The following CSGALNACT1 variants were observed in gnomAD, a reference collection of about 807,000 sequenced individuals.
The protein encoded by CSGALNACT1 is beta4GalNAcT-1.
Under a neutral mutation model 51.0 loss-of-function variants are expected in CSGALNACT1, and 52 were observed. The observed-to-expected ratio is 1.02, with a 90% CI of 0.82 to 1.29. CSGALNACT1 has a LOEUF of 1.29. Among genes scored for constraint, CSGALNACT1 ranks in the 50% most tolerant of loss-of-function variants. CSGALNACT1 has a pLI of 0.00. For missense variants in CSGALNACT1, 935 were observed against 679.2 expected, an observed-to-expected ratio of 1.38 and a Z score of -4.19; for synonymous variants, 341 against 254.4, an observed-to-expected ratio of 1.34 and a Z score of -3.24.
chr8:19,591,759 C>CAA (rs111962164), intron 2 of CSGALNACT1, among the ~76,000 whole-genome samples: 8 of 144,272 alleles, frequency 5.5e-5, no homozygotes, highest in African/African-American at 2.0e-4. Flanking sequence ...TTCCTCTCCA[C>CAA]AAAAAAAAAT....
intron 8 of CSGALNACT1, among the ~76,000 whole-genome samples, chr8:19,409,112 C>G (rs2055047924): frequency 6.6e-6 from 1 of 152,186 alleles, no homozygotes; most frequent in African/African-American, 2.4e-5. Flanking sequence ...AGCGAGCCAG[C>G]AAAGGGCTCA....
chr8:19,508,463 C>A (rs1230216900), intron 3 of CSGALNACT1, among the ~76,000 whole-genome samples: 2 of 152,194 alleles, frequency 1.3e-5, no homozygotes, highest in Non-Finnish European at 2.9e-5. Flanking sequence ...ATGTTTAGCC[C>A]TGGAAGCCTT....
At chr8:19,546,355 T>C (rs1184422027) in intron 3 of CSGALNACT1, among the ~76,000 whole-genome samples, 1 of 152,160 alleles carries the variant, frequency 6.6e-6, no homozygotes, top group Non-Finnish European at 1.5e-5. Flanking sequence ...GGCAACACAA[T>C]ACCCATCTGT....
Position 19,418,745 on chromosome 8 carries a change from TCTTC to T in CSGALNACT1, c.1134_1137del (p.Lys379ArgfsTer15). On this transcript the variant is annotated frameshift_variant and splice_region_variant, in exon 8 of 10. Coordinates refer to ENST00000454498, the Ensembl canonical transcript of CSGALNACT1. LOFTEE classifies it high-confidence loss of function. ...CTGAAAAGAACTGGATAAAATACCT[TCTTC>T]CCTACAAACCAGAAAACAAACATTC... 1 of 1,605,530 alleles carries T rather than the reference TCTTC, an allele frequency of 6.2e-7. No individual in the cohort carries two copies. The highest frequency in any genetic ancestry group is 8.5e-7 in the Non-Finnish European group (1 of 1,172,212).
chr8:19,658,009 A>G (rs2058432836), intron 1 of CSGALNACT1, among the ~76,000 whole-genome samples: 1 of 146,738 alleles, frequency 6.8e-6, no homozygotes, highest in Non-Finnish European at 1.5e-5. Context: ...CAGAATAGTG[A>G]TAGAATAATT....
At position 19,705,743 on chromosome 8, in the gene CSGALNACT1, A is replaced by C. The variant is rs189874053; in HGVS notation, c.-297+52107T>G. On this transcript the variant is annotated intron_variant, in intron 1 of 1. Coordinates refer to the CSGALNACT1 transcript ENST00000517494. ...CAGAGCGAGACCCAGTCTCAAAAAA[A>C]AATCCAGAGAAAAAAATGTAAGGCT... Among the ~76,000 whole-genome samples, 174 of 152,298 alleles carry C rather than the reference A, an allele frequency of 1.1e-3. 1 individual carries two copies. Among genetic ancestry groups the C allele is most frequent in the African/African-American group, 3.8e-3 (159 of 41,566 alleles).
chr8:19,752,453 G>T (rs972150890), intron 1 of CSGALNACT1, among the ~76,000 whole-genome samples: 28 of 152,070 alleles, frequency 1.8e-4, no homozygotes, highest in African/African-American at 6.5e-4. Context: ...TGACTGATGC[G>T]TTAACTTTAG....
chr8:19,715,920 C>G (rs2062779494), intron 1 of CSGALNACT1, among the ~76,000 whole-genome samples: 1 of 152,196 alleles, frequency 6.6e-6, no homozygotes. Flanking sequence ...CTGCTGCACT[C>G]TCAGACTTCA....
chr8:19,405,833 T>A (rs2054033504), exon 10 of CSGALNACT1: 1 of 1,614,220 alleles, frequency 6.2e-7, no homozygotes, highest in Non-Finnish European at 8.5e-7. Flanking sequence ...TGAGCCTCTA[T>A]CTCGTGCCTG....
intron 3 of CSGALNACT1, among the ~76,000 whole-genome samples, chr8:19,524,105 G>A (rs112182920): frequency 6.6e-6 from 1 of 152,234 alleles, no homozygotes; most frequent in South Asian, 2.1e-4. Flanking sequence ...ACAAGCCTGG[G>A]CAACACAGCA....
At chr8:19,466,885 C>T (rs771540553) in intron 4 of CSGALNACT1, among the ~76,000 whole-genome samples, 23 of 152,218 alleles carry the variant, frequency 1.5e-4, no homozygotes, top group Admixed American at 3.3e-4. Context: ...TCAGCTGCCA[C>T]TGAAAGTTTC....
intron 6 of CSGALNACT1, among the ~76,000 whole-genome samples, chr8:19,429,224 T>A (rs1177070326): frequency 1.3e-5 from 2 of 152,234 alleles, no homozygotes; most frequent in East Asian, 3.8e-4. Flanking sequence ...TCACCCAGGC[T>A]GGAGTACAGT....
At chr8:19,643,776 G>C (rs1303354705) in intron 1 of CSGALNACT1, among the ~76,000 whole-genome samples, 1 of 152,158 alleles carries the variant, frequency 6.6e-6, no homozygotes. Flanking sequence ...AATTAACCAG[G>C]ATAGCACACA....
chr8:19,493,962 C>T (rs1039149034), intron 4 of CSGALNACT1, among the ~76,000 whole-genome samples: 1 of 151,870 alleles, frequency 6.6e-6, no homozygotes, highest in African/African-American at 2.4e-5. Flanking sequence ...TTTTGAGAAA[C>T]TGCCAAACTA....
chr8:19,579,881 C>T (rs1564131528), intron 3 of CSGALNACT1, among the ~76,000 whole-genome samples: 1 of 152,080 alleles, frequency 6.6e-6, no homozygotes, highest in Non-Finnish European at 1.5e-5. Context: ...CTAAGTCTCC[C>T]GCTGAGAACA....
At chr8:19,550,687 G>A (rs1025761426) in intron 3 of CSGALNACT1, among the ~76,000 whole-genome samples, 111 of 152,056 alleles carry the variant, frequency 7.3e-4, no homozygotes, top group Admixed American at 7.3e-3. Flanking sequence ...ACTGGGTGAG[G>A]ACATAGCCAT....
At chr8:19,732,147 G>A (rs2063726658) in intron 1 of CSGALNACT1, among the ~76,000 whole-genome samples, 1 of 152,222 alleles carries the variant, frequency 6.6e-6, no homozygotes, top group South Asian at 2.1e-4. Context: ...CTTTTTTCTA[G>A]AAATTAGTGT....
upstream of CSGALNACT1, among the ~76,000 whole-genome samples, chr8:19,605,775 C>T (rs2051290179): frequency 1.3e-5 from 2 of 152,314 alleles, no homozygotes; most frequent in Middle Eastern, 3.4e-3. Flanking sequence ...CATCAATTAG[C>T]AGTCCTCTAT....
At chr8:19,640,552 C>G (rs1398794744) in intron 1 of CSGALNACT1, among the ~76,000 whole-genome samples, 6 of 152,188 alleles carry the variant, frequency 3.9e-5, no homozygotes, top group Admixed American at 1.3e-4. Context: ...TGGACTCAAA[C>G]TCAAAATCAG....
Sources: gnomAD v4.1 joint callset for allele counts (sites outside exome capture counted in the v4.1 genomes callset) on GRCh38, gnomAD v4.1.1 for gene constraint, MANE v1.5 for transcripts, NCBI Gene and HGNC (gene_info 2026-07-23, HGNC 2026-07-21) for gene names.